Variants in FBXW7 observed in about 807,000 individuals in gnomAD.
The protein encoded by FBXW7 is F-box/WD repeat-containing protein 7.
In FBXW7, 11 loss-of-function variants were observed where a neutral mutation model predicts 86.3. That is an observed-to-expected ratio of 0.13 (90% CI 0.08 to 0.21). The LOEUF is 0.21. Among genes scored for constraint, FBXW7 ranks in the 10% least tolerant of loss-of-function variants. The probability of loss-of-function intolerance (pLI) is 1.00; values close to 1 mark genes in which losing one functional copy is unlikely to be tolerated. For missense variants in FBXW7, 488 were observed against 847.4 expected, an observed-to-expected ratio of 0.58 and a Z score of 5.27; for synonymous variants, 313 against 297.9, an observed-to-expected ratio of 1.05 and a Z score of -0.52.
intron 2 of FBXW7, among the ~76,000 whole-genome samples, chr4:152,496,443 G>A (rs1211465617): frequency 6.6e-6 from 1 of 151,798 alleles, no homozygotes; most frequent in Non-Finnish European, 1.5e-5. Flanking sequence ...TATAATCCCA[G>A]CACTTCGAGA....
chr4:152,362,001 G>GA (rs1733005671), intron 4 of FBXW7, among the ~76,000 whole-genome samples: 1 of 144,228 alleles, frequency 6.9e-6, no homozygotes, highest in Non-Finnish European at 1.5e-5. Flanking sequence ...GAACAGAACA[G>GA]AAAAAAGAAA....
intron 2 of FBXW7, among the ~76,000 whole-genome samples, chr4:152,527,824 T>C (rs1749651547): frequency 6.7e-6 from 1 of 150,354 alleles, no homozygotes; most frequent in African/African-American, 2.5e-5. Flanking sequence ...TCATAAGCAT[T>C]GACTAGATCA....
At chr4:152,451,849 T>G (rs1038699680) in intron 2 of FBXW7, 2 of 151,992 alleles carry the variant, frequency 1.3e-5, no homozygotes, top group Admixed American at 1.3e-4. Context: ...ATTTTAAAAA[T>G]TATTGTTTCA....
rs544589426 is a variant in FBXW7 at position 152,502,904 on chromosome 4, A to G, written c.-120+32037T>C. Among the ~76,000 whole-genome samples the G allele has an allele frequency of 4.9e-4, 74 of 152,344 alleles. 1 individual carries two copies. The South Asian group carries it at 0.015, about 30-fold the overall frequency. On this transcript the variant is annotated intron_variant, in intron 2 of 13. Coordinates refer to ENST00000281708, the MANE Select transcript of FBXW7 (RefSeq NM_001349798.2). ...CTTTCTGCTCTACAATCAGAAGAAA[A>G]GCAACAAAATTAGCCAAACAATGTC...
chr4:152,519,320 AAAG>A (rs1748797630), intron 2 of FBXW7, among the ~76,000 whole-genome samples: 1 of 147,308 alleles, frequency 6.8e-6, no homozygotes, highest in African/African-American at 2.5e-5. Context: ...ATAAATAAAT[AAAG>A]AAAGAAAGAA....
rs58250889 is a variant in FBXW7 at position 152,456,360 on chromosome 4, T to TAA, written c.-119-43833_-119-43832dup. 6.0e-3 allele frequency among the ~76,000 whole-genome samples: 434 copies of TAA among 72,142 alleles called. 13 individuals are homozygous for TAA. Among genetic ancestry groups the TAA allele is most frequent in the Non-Finnish European group, 8.3e-3 (306 of 36,648 alleles). 47.3% of individuals were successfully genotyped at this position (72,142 alleles called of 152,430 possible). Reference sequence around the variant, plus strand: ...GGCCCTATCTCTTTAAAAAAATCCTTAAAAAAAAAAAAAAAAAAAAAAAAA... The same window carrying TAA: ...GGCCCTATCTCTTTAAAAAAATCCTTAAAAAAAAAAAAAAAAAAAAAAAAAAA... On this transcript the variant is annotated intron_variant, in intron 2 of 13. Transcript: ENST00000281708.
intron 2 of FBXW7, among the ~76,000 whole-genome samples, chr4:152,453,236 G>C (rs1243127671): frequency 6.6e-6 from 1 of 152,170 alleles, no homozygotes; most frequent in Non-Finnish European, 1.5e-5. Context: ...TTAAATGCTT[G>C]AAATATTAAG....
At chr4:152,527,893 CACACACACAT>C (rs909882034) in intron 2 of FBXW7, among the ~76,000 whole-genome samples, 11 of 151,674 alleles carry the variant, frequency 7.3e-5, no homozygotes, top group African/African-American at 2.7e-4. Context: ...CACACACACA[CACACACACAT>C]ATATATACAC....
intron 2 of FBXW7, among the ~76,000 whole-genome samples, chr4:152,521,321 G>T (rs1748990557): frequency 6.6e-6 from 1 of 152,122 alleles, no homozygotes; most frequent in African/African-American, 2.4e-5. Flanking sequence ...AGTAGGGTCT[G>T]AAGAGACAAA....
chr4:152,359,008 A>T (rs1403075386), intron 4 of FBXW7, among the ~76,000 whole-genome samples: 1 of 152,190 alleles, frequency 6.6e-6, no homozygotes, highest in Non-Finnish European at 1.5e-5. Flanking sequence ...AGAAGAAAAA[A>T]GTGTTATATT....
At chr4:152,373,562 G>GA (rs1432039694) in intron 4 of FBXW7, among the ~76,000 whole-genome samples, 1 of 151,860 alleles carries the variant, frequency 6.6e-6, no homozygotes, top group African/African-American at 2.4e-5. Context: ...TACTTAATAT[G>GA]AAAAAACATA....
At chr4:152,352,665 C>A (rs780982777) in intron 4 of FBXW7, 5 of 1,613,666 alleles carry the variant, frequency 3.1e-6, no homozygotes, top group Admixed American at 1.7e-5. Flanking sequence ...GGAGCAGAAC[C>A]GGCAACAAAA....
intron 4 of FBXW7, among the ~76,000 whole-genome samples, chr4:152,389,347 A>T (rs150516512): frequency 6.6e-6 from 1 of 152,238 alleles, no homozygotes; most frequent in Non-Finnish European, 1.5e-5. Flanking sequence ...TGGTGATTAT[A>T]ATAGTTATAA....
At chr4:152,385,665 CTGTTTGTACCTCAAA>C (rs1735463857) in intron 4 of FBXW7, among the ~76,000 whole-genome samples, 1 of 151,976 alleles carries the variant, frequency 6.6e-6, no homozygotes, top group South Asian at 2.1e-4. Flanking sequence ...ACAATTAAGG[CTGTTTGTACCTCAAA>C]TGTGGAGTTT....
At chr4:152,446,842 A>G (rs891231087) in intron 2 of FBXW7, among the ~76,000 whole-genome samples, 1 of 152,186 alleles carries the variant, frequency 6.6e-6, no homozygotes, top group African/African-American at 2.4e-5. Context: ...ATCATTAAAC[A>G]TTTTCAATAT....
chr4:152,387,034 G>C (rs893997287), intron 4 of FBXW7, among the ~76,000 whole-genome samples: 7 of 152,096 alleles, frequency 4.6e-5, no homozygotes, highest in African/African-American at 1.7e-4. Flanking sequence ...CAAAGCCACA[G>C]CATATGAGCA....
intron 2 of FBXW7, among the ~76,000 whole-genome samples, chr4:152,446,271 G>A (rs1030335243): frequency 3.6e-4 from 54 of 151,980 alleles, no homozygotes; most frequent in Admixed American, 3.0e-3. Context: ...GGATATCAAA[G>A]AGATAAAACA....
In FBXW7 at chr4:152,324,473, G is replaced by A. The variant is rs1054915867; in HGVS notation, c.1645-79C>T. On this transcript the variant is annotated intron_variant, in intron 12 of 13. Transcript: ENST00000281708. ...TACTGACCTTAATCCTAGTAGGAAA[G>A]GGGGAAGAGGATGGGAAACAGGTAA... is the stretch of plus-strand genomic sequence containing the variant. 1.0e-5 allele frequency: 12 copies of A among 1,179,522 alleles called. No homozygotes were observed. In the African/African-American group the frequency reaches 1.7e-4, roughly 17 times the overall value. The allele number at this position is 1,179,522 out of a possible 1,614,324, so 73.1% of individuals were successfully genotyped here.
At chr4:152,451,440 A>C (rs1030496166) in intron 2 of FBXW7, among the ~76,000 whole-genome samples, 1 of 152,190 alleles carries the variant, frequency 6.6e-6, no homozygotes, top group Non-Finnish European at 1.5e-5. Flanking sequence ...ATCCTTCCTC[A>C]ATGCTCAAAT....
Sources: allele counts gnomAD v4.1 joint callset (sites outside exome capture counted in the v4.1 genomes callset), GRCh38; gene constraint gnomAD v4.1.1; transcripts MANE v1.5; gene names NCBI Gene and HGNC (gene_info 2026-07-23, HGNC 2026-07-21).